Variants in LARGE1 observed in about 807,000 individuals in gnomAD.
LARGE1 encodes LARGE xylosyl- and glucuronyltransferase 1, also known as xylosyl- and glucuronyltransferase LARGE1.
In LARGE1, 43 loss-of-function variants were observed where a neutral mutation model predicts 87.6. The observed-to-expected ratio is 0.49, with a 90% CI of 0.38 to 0.63. The LOEUF (loss-of-function observed/expected upper bound fraction) is 0.63, where lower values mean the gene tolerates loss of function less well. Ranked by LOEUF, LARGE1 falls within the 30% of genes least tolerant of loss-of-function variation. LARGE1 has a pLI of 0.00. For missense variants in LARGE1, 802 were observed against 1,000.2 expected (o/e 0.80, Z 2.67); for synonymous variants, 434 against 394.6 (o/e 1.10, Z -1.18).
At chr22:33,085,588 C>T in the LARGE1 span, among the ~76,000 whole-genome samples, 1 of 152,164 alleles carries the variant, frequency 6.6e-6, no homozygotes, top group Non-Finnish European at 1.5e-5. Context: ...TTACTAATAT[C>T]AATACAATGT....
In LARGE1 at chr22:33,254,947, T is replaced by G. The variant is rs542281733; in HGVS notation, c.1730+49282A>C. ...GGTCTACCTGTAGATTTTTTTTTTT[T>G]TTTTTTTTGAGACGGAGTCTCACTC... is the stretch of plus-strand genomic sequence containing the variant. On this transcript the variant is annotated intron_variant, in intron 11 of 11. Coordinates refer to the LARGE1 transcript ENST00000608642. Among the ~76,000 whole-genome samples the G allele has an allele frequency of 1.7e-3, 253 of 150,804 alleles. 3 individuals are homozygous for G. The highest frequency in any genetic ancestry group is 3.4e-3 in the Middle Eastern group (1 of 292).
At chr22:33,674,154 T>C (rs2081498129) in intron 2 of LARGE1, among the ~76,000 whole-genome samples, 1 of 150,448 alleles carries the variant, frequency 6.6e-6, no homozygotes, top group Non-Finnish European at 1.5e-5. Flanking sequence ...ATGTTGGCCA[T>C]ACTGGTCTCG....
intron 11 of LARGE1, among the ~76,000 whole-genome samples, chr22:33,185,724 T>C (rs549848542): frequency 3.3e-5 from 5 of 152,252 alleles, no homozygotes; most frequent in Non-Finnish European, 5.9e-5. Context: ...CTAAATATAG[T>C]TTACTTACAA....
intron 7 of LARGE1, among the ~76,000 whole-genome samples, chr22:33,395,104 C>G (rs2065682064): frequency 6.6e-6 from 1 of 151,954 alleles, no homozygotes; most frequent in South Asian, 2.1e-4. Context: ...TGGCGGGCCC[C>G]TGTAGTCCCA....
intron 5 of LARGE1, among the ~76,000 whole-genome samples, chr22:33,600,559 A>T (rs2079086851): frequency 6.6e-6 from 1 of 152,220 alleles, no homozygotes; most frequent in Non-Finnish European, 1.5e-5. Context: ...CTTTAGCAAA[A>T]GAACTTGTTA....
chr22:33,842,717 G>T (rs1285196052), intron 1 of LARGE1, among the ~76,000 whole-genome samples: 4 of 152,108 alleles, frequency 2.6e-5, no homozygotes, highest in Non-Finnish European at 1.5e-5. Context: ...TCTAAAATAT[G>T]GTGGCCACTA....
At position 33,449,386 on chromosome 22, in the gene LARGE1, G is replaced by A. The variant is rs189660673; in HGVS notation, c.788-17121C>T. ...GCAGGGCTGTGCAGAGCTCCCCCAG[G>A]GTAAGAGCAGAAGTCAACTTTGTGG... On this transcript the variant is annotated intron_variant, in intron 6 of 14. Coordinates refer to ENST00000397394, the MANE Select transcript of LARGE1 (RefSeq NM_133642.5). Among the ~76,000 whole-genome samples the A allele has an allele frequency of 2.9e-3, 448 of 152,282 alleles. 3 individuals are homozygous for A. The highest frequency in any genetic ancestry group is 0.018 in the South Asian group (88 of 4,818).
chr22:33,887,033 A>C (rs1040698005), intron 1 of LARGE1, among the ~76,000 whole-genome samples: 3 of 152,216 alleles, frequency 2.0e-5, no homozygotes, highest in East Asian at 3.9e-4. Flanking sequence ...AGCGGTAATT[A>C]AACAGAGACC....
chr22:33,690,587 CAG>C (rs2149335028), intron 2 of LARGE1, among the ~76,000 whole-genome samples: 1 of 146,252 alleles, frequency 6.8e-6, no homozygotes, highest in South Asian at 2.2e-4. Context: ...GTGTGGAAAA[CAG>C]GGAAGAAAAG....
rs1358816348 is a variant in LARGE1, at chr22:33,299,533, C to T, written c.1730+4696G>A. On this transcript the variant is annotated intron_variant, in intron 12 of 14. Coordinates refer to ENST00000397394, the MANE Select transcript of LARGE1 (RefSeq NM_133642.5). ...AATTGAGATGGTCACATGAAGCTAC[C>T]CAGGCTGCACAGAAGGTGGCAGAGT... Among the ~76,000 whole-genome samples the T allele has an allele frequency of 2.6e-5, 4 of 152,076 alleles. No homozygotes were observed. In the East Asian group the frequency reaches 7.7e-4, roughly 29 times the overall value.
At chr22:33,120,106 TA>T in the LARGE1 span, among the ~76,000 whole-genome samples, 9 of 151,830 alleles carry the variant, frequency 5.9e-5, no homozygotes, top group Admixed American at 2.0e-4. Context: ...ACTCTTGCAG[TA>T]AAAAAAAGTA....
intron 11 of LARGE1, among the ~76,000 whole-genome samples, chr22:33,174,370 G>A (rs111925469): frequency 3.9e-5 from 6 of 152,270 alleles, no homozygotes; most frequent in African/African-American, 1.4e-4. Context: ...AGCACTAAAT[G>A]CCCACATGAG....
the LARGE1 span, among the ~76,000 whole-genome samples, chr22:33,111,112 C>A: frequency 6.6e-6 from 1 of 152,126 alleles, no homozygotes; most frequent in African/African-American, 2.4e-5. Context: ...TGAGACCTGG[C>A]AATTAATTAG....
intron 11 of LARGE1, among the ~76,000 whole-genome samples, chr22:33,183,230 A>C (rs745831409): frequency 2.0e-5 from 3 of 152,132 alleles, no homozygotes; most frequent in Admixed American, 6.6e-5. Context: ...TGAAAAAATG[A>C]TCAACATCAC....
At chr22:33,073,005 G>A in the LARGE1 span, among the ~76,000 whole-genome samples, 4 of 152,112 alleles carry the variant, frequency 2.6e-5, no homozygotes, top group South Asian at 4.2e-4. Flanking sequence ...CGGCCGTCTC[G>A]AGGGATATAC....
intron 6 of LARGE1, among the ~76,000 whole-genome samples, chr22:33,435,095 G>A (rs1011493955): frequency 3.3e-5 from 5 of 152,130 alleles, no homozygotes; most frequent in Admixed American, 6.5e-5. Flanking sequence ...TTCGCCTCCC[G>A]AGTTAAAGCG....
intron 11 of LARGE1, among the ~76,000 whole-genome samples, chr22:33,213,301 C>T (rs1301521876): frequency 1.3e-5 from 2 of 152,154 alleles, no homozygotes; most frequent in Non-Finnish European, 2.9e-5. Context: ...AAAATCTACC[C>T]ATGGTGAAGC....
At chr22:33,555,680 G>A (rs2077653887) in intron 6 of LARGE1, among the ~76,000 whole-genome samples, 2 of 152,136 alleles carry the variant, frequency 1.3e-5, no homozygotes, top group African/African-American at 4.8e-5. Flanking sequence ...TGTAATCCTA[G>A]CACTTTGGGT....
At chr22:33,432,129 G>A in intron 7 of LARGE1, 32 bp downstream of exon 7, 2 of 1,557,078 alleles carry the variant, frequency 1.3e-6, no homozygotes, top group Non-Finnish European at 1.8e-6. Flanking sequence ...ATCACCTTCT[G>A]CAACTCTTCC....
Sources: gnomAD v4.1 joint callset for allele counts (sites outside exome capture counted in the v4.1 genomes callset) on GRCh38, gnomAD v4.1.1 for gene constraint, MANE v1.5 for transcripts, NCBI Gene and HGNC (gene_info 2026-07-23, HGNC 2026-07-21) for gene names.